The following MYLK variants were observed in gnomAD, a reference collection of about 807,000 sequenced individuals.
MYLK encodes the protein myosin light chain kinase, also known as myosin light chain kinase, smooth muscle.
In MYLK, 106 loss-of-function variants were observed where a neutral mutation model predicts 203.4. That is an observed-to-expected ratio of 0.52 (90% CI 0.45 to 0.61). The LOEUF (loss-of-function observed/expected upper bound fraction) is 0.61, where lower values mean the gene tolerates loss of function less well. MYLK is among the 20% of genes least tolerant of loss of function. The probability of loss-of-function intolerance (pLI) is 0.00; values close to 1 mark genes in which losing one functional copy is unlikely to be tolerated. For missense variants in MYLK, 2,072 were observed against 2,442.3 expected (o/e 0.85, Z 3.20); for synonymous variants, 867 against 959.5 (o/e 0.90, Z 1.78).
At chr3:123,803,297 G>A (rs965812225) in intron 3 of MYLK, among the ~76,000 whole-genome samples, 17 of 152,188 alleles carry the variant, frequency 1.1e-4, no homozygotes, top group African/African-American at 3.9e-4. Flanking sequence ...GACTGCTATC[G>A]TTAATGGTGT....
intron 27 of MYLK, among the ~76,000 whole-genome samples, chr3:123,644,847 C>A (rs971318143): frequency 6.6e-6 from 1 of 152,180 alleles, no homozygotes; most frequent in Non-Finnish European, 1.5e-5. Flanking sequence ...AAATTCTTCA[C>A]CGCGTCTTTT....
chr3:123,869,572 G>A (rs578119094), intron 2 of MYLK, among the ~76,000 whole-genome samples: 40 of 152,214 alleles, frequency 2.6e-4, no homozygotes, highest in African/African-American at 9.1e-4. Context: ...GGCAGGAAAA[G>A]GGGACCAGCA....
intron 1 of MYLK, among the ~76,000 whole-genome samples, chr3:123,881,303 A>G (rs2033520392): frequency 6.6e-6 from 1 of 152,136 alleles, no homozygotes; most frequent in Non-Finnish European, 1.5e-5. Context: ...ATCCACATGG[A>G]CATTTTCCAT....
intron 3 of MYLK, among the ~76,000 whole-genome samples, chr3:123,805,753 G>A (rs1463690285): frequency 6.6e-6 from 1 of 152,218 alleles, no homozygotes; most frequent in Non-Finnish European, 1.5e-5. Flanking sequence ...GCCACACAGT[G>A]GCTGGATGAC....
intron 18 of MYLK, among the ~76,000 whole-genome samples, chr3:123,693,083 C>A (rs1040563919): frequency 1.3e-5 from 2 of 152,200 alleles, no homozygotes; most frequent in Non-Finnish European, 2.9e-5. Context: ...CCTCCTCCCC[C>A]ACTCCAAAGA....
At chr3:123,837,716 C>A (rs2066507923) in intron 2 of MYLK, among the ~76,000 whole-genome samples, 1 of 151,644 alleles carries the variant, frequency 6.6e-6, no homozygotes, top group South Asian at 2.1e-4. Flanking sequence ...CATATCCTAC[C>A]CTAAGGTTTC....
At chr3:123,661,689 C>T (rs574642710) in intron 23 of MYLK, among the ~76,000 whole-genome samples, 1 of 152,186 alleles carries the variant, frequency 6.6e-6, no homozygotes, top group East Asian at 1.9e-4. Flanking sequence ...ATGGCTGAAA[C>T]AGAACACAGG....
chr3:123,707,627 C>G (rs2061512948), intron 16 of MYLK, 127 bp downstream of exon 16: 2 of 1,459,910 alleles, frequency 1.4e-6, no homozygotes, highest in Non-Finnish European at 1.9e-6. Context: ...TGAGCCCGCA[C>G]TTGCTTTACC....
At chr3:123,813,629 G>T (rs528760215) in intron 3 of MYLK, among the ~76,000 whole-genome samples, 8 of 152,110 alleles carry the variant, frequency 5.3e-5, no homozygotes, top group African/African-American at 1.9e-4. Context: ...TCCTGCCTCA[G>T]CCTCCCGAGT....
intron 4 of MYLK, among the ~76,000 whole-genome samples, chr3:123,761,107 T>C (rs1280909126): frequency 6.6e-6 from 1 of 152,212 alleles, no homozygotes; most frequent in African/African-American, 2.4e-5. Context: ...CATACTTCAC[T>C]GGCAGTAGGA....
intron 1 of MYLK, among the ~76,000 whole-genome samples, chr3:123,877,309 A>G (rs1211920295): frequency 6.6e-6 from 1 of 152,184 alleles, no homozygotes; most frequent in African/African-American, 2.4e-5. Flanking sequence ...ACAGGGAGCC[A>G]CCGGGGGTTC....
chr3:123,706,062 C>T (rs984841074), intron 16 of MYLK, among the ~76,000 whole-genome samples: 2 of 152,020 alleles, frequency 1.3e-5, no homozygotes, highest in East Asian at 1.9e-4. Context: ...CTGAGTGTAC[C>T]GCTAATAATA....
chr3:123,709,133 A>AT, intron 14 of MYLK: 1 of 323,244 alleles, frequency 3.1e-6, no homozygotes, highest in Non-Finnish European at 5.6e-6. Flanking sequence ...GTTCTCACAT[A>AT]ATTTTTTTTT....
At chr3:123,744,141 T>C (rs529951720) in intron 5 of MYLK, among the ~76,000 whole-genome samples, 1 of 152,326 alleles carries the variant, frequency 6.6e-6, no homozygotes, top group African/African-American at 2.4e-5. Flanking sequence ...CATACACGTA[T>C]GTGATAATTT....
rs2057319064 is a variant in MYLK, at chr3:123,613,913, A to T, written c.*192T>A. The T allele has an allele frequency of 6.2e-6, 4 of 647,638 alleles. No homozygotes were observed. The Admixed American group carries it at 1.1e-4, about 18-fold the overall frequency. The allele number at this position is 647,638 out of a possible 1,614,324, so 40.1% of individuals were successfully genotyped here. ...CACTAGTATCTTAAGGTGCCAACTA[A>T]CATAGATTAATGCCCATCAATAACG... On this transcript the variant is annotated 3_prime_UTR_variant, in exon 34 of 34. Transcript: ENST00000360304.
At chr3:123,830,048 C>A (rs1200429133) in intron 3 of MYLK, among the ~76,000 whole-genome samples, 1 of 152,206 alleles carries the variant, frequency 6.6e-6, no homozygotes. Flanking sequence ...GGTGACTAAA[C>A]AAAGAGGGCT....
intron 2 of MYLK, among the ~76,000 whole-genome samples, chr3:123,865,383 G>A (rs559837082): frequency 1.3e-5 from 2 of 152,296 alleles, no homozygotes; most frequent in African/African-American, 2.4e-5. Flanking sequence ...TTTCAGCAGT[G>A]AAGAATATGA....
chr3:123,748,903 T>C (rs1174511779), intron 5 of MYLK, among the ~76,000 whole-genome samples: 1 of 152,116 alleles, frequency 6.6e-6, no homozygotes, highest in African/African-American at 2.4e-5. Flanking sequence ...GCCCCATCTC[T>C]ACTAAAAGTA....
chr3:123,862,958 C>G (rs1039370817), intron 2 of MYLK, among the ~76,000 whole-genome samples: 2 of 152,186 alleles, frequency 1.3e-5, no homozygotes, highest in Admixed American at 1.3e-4. Context: ...CCTGCACTCA[C>G]GTTGAAAACC....
Sources: allele counts gnomAD v4.1 joint callset (sites outside exome capture counted in the v4.1 genomes callset), GRCh38; gene constraint gnomAD v4.1.1; transcripts MANE v1.5; gene names NCBI Gene and HGNC (gene_info 2026-07-23, HGNC 2026-07-21).